The following GFM1 variants were observed in gnomAD, a reference collection of about 807,000 sequenced individuals.
GFM1 encodes G elongation factor mitochondrial 1.
In GFM1, 62 loss-of-function variants were observed where a neutral mutation model predicts 96.2. That is an observed-to-expected ratio of 0.64 (90% confidence interval 0.53 to 0.80). GFM1 has a LOEUF of 0.80. Ranked by LOEUF, GFM1 falls within the 30% of genes least tolerant of loss-of-function variation. The pLI is 0.00. For synonymous variants in GFM1, 282 were observed against 312.9 expected (o/e 0.90, Z 1.04); for missense variants, 852 against 916.6 (o/e 0.93, Z 0.91).
At chr3:158,681,084 T>A (rs1487400406) in intron 13 of GFM1, among the ~76,000 whole-genome samples, 3 of 152,216 alleles carry the variant, frequency 2.0e-5, no homozygotes, top group African/African-American at 4.8e-5. Context: ...GAAATTTGCC[T>A]GTTGTAAGCT....
chr3:158,648,071 A>T (rs758205553), intron 4 of GFM1, among the ~76,000 whole-genome samples: 1 of 151,528 alleles, frequency 6.6e-6, no homozygotes, highest in African/African-American at 2.4e-5. Flanking sequence ...TTGCCTGAAA[A>T]CTTTTTTTTT....
Position 158,691,345 on chromosome 3 carries a change from G to C in GFM1, c.2134G>C (p.Glu712Gln). The C allele has an allele frequency of 6.2e-7, 1 of 1,613,698 alleles. No individual in the cohort carries two copies. The highest frequency in any genetic ancestry group is 8.5e-7 in the Non-Finnish European group (1 of 1,179,842). ...ELRSCTEGKG[E>Q]YTMEYSRYQP... is the part of the protein sequence containing the mutation. ...TTTTTTAAATCCCTAGGGAAAGGGA[G>C]AATACACAATGGAGTATAGCAGGTA... Residue 712 changes from glutamate to glutamine, a missense_variant, in exon 18 of 18, where the codon GAA (glutamate) becomes CAA (glutamine). Physicochemically the swap from Glu to Gln is conservative, Grantham distance 29. Coordinates refer to ENST00000486715, the MANE Select transcript of GFM1 (RefSeq NM_024996.7).
At chr3:158,665,081 A>G (rs964678357) in intron 11 of GFM1, among the ~76,000 whole-genome samples, 1 of 152,160 alleles carries the variant, frequency 6.6e-6, no homozygotes, top group South Asian at 2.1e-4. Context: ...CAGGGCATAG[A>G]GTTAAGTCTT....
chr3:158,664,890 A>G (rs750931167), intron 11 of GFM1, among the ~76,000 whole-genome samples: 6 of 152,218 alleles, frequency 3.9e-5, no homozygotes, highest in Non-Finnish European at 5.9e-5. Flanking sequence ...GAAAGGGACA[A>G]GTCTCATCGT....
At chr3:158,663,647 A>G (rs1723370753) in intron 11 of GFM1, among the ~76,000 whole-genome samples, 1 of 152,232 alleles carries the variant, frequency 6.6e-6, no homozygotes, top group South Asian at 2.1e-4. Context: ...TATTCCAAGT[A>G]CATTGTTAAA....
intron 13 of GFM1, 26 bp from the exon 14 acceptor site, chr3:158,681,968 AT>A (rs11436468): frequency 3.6e-4 from 517 of 1,453,072 alleles, no homozygotes; most frequent in East Asian, 5.9e-4. Flanking sequence ...ATAATGCTCC[AT>A]TTTTTTTTTC....
intron 13 of GFM1, among the ~76,000 whole-genome samples, chr3:158,668,002 T>A (rs181762647): frequency 7.9e-5 from 12 of 152,260 alleles, no homozygotes; most frequent in African/African-American, 2.6e-4. Flanking sequence ...AAAAGCTAAA[T>A]GTTGGATTAT....
rs201304690 is a variant in GFM1, at chr3:158,646,151, G to A, written c.235-14G>A. ...AGGGACAGAGAAAGTCTGAATTGCT[G>A]TGCTTGTGTTTAGGTGAAAGGTAAA... On this transcript the variant is annotated splice_polypyrimidine_tract_variant and intron_variant, in intron 2 of 17. Transcript: ENST00000486715. 798 of 1,614,104 alleles carry A rather than the reference G, an allele frequency of 4.9e-4. 10 individuals are homozygous for A. The highest frequency in any genetic ancestry group is 1.6e-4 in the Middle Eastern group (1 of 6,062).
chr3:158,646,238 A>G lies in GFM1; in HGVS notation c.308A>G (p.Gln103Arg), dbSNP rs777663037. 18 of 1,613,924 alleles carry G rather than the reference A, an allele frequency of 1.1e-5. No individual in the cohort carries two copies. Among genetic ancestry groups the G allele is most frequent in the East Asian group, 6.7e-5 (3 of 44,884 alleles). ...GAGAGACAAAGAGGAATCACTATTCAGTCAGCAGCCACTTACACCATGTGG... is the reference window on the plus strand; with the variant it reads ...GAGAGACAAAGAGGAATCACTATTCGGTCAGCAGCCACTTACACCATGTGG... ...ELERQRGITI[Q>R]SAATYTMWKD... Residue 103 changes from glutamine to arginine, a missense_variant, in exon 3 of 18, where the codon CAG becomes CGG. Gln to Arg is a conservative substitution (Grantham distance 43). Coordinates refer to ENST00000486715, the MANE Select transcript of GFM1 (RefSeq NM_024996.7).
At chr3:158,653,267 G>A in intron 6 of GFM1, 43 bp from the exon 7 acceptor site, 1 of 1,518,812 alleles carries the variant, frequency 6.6e-7, no homozygotes, top group Non-Finnish European at 9.1e-7. Context: ...AGCACAACAT[G>A]TAATTTTAAC....
chr3:158,659,748 G>A (rs1723044021), intron 9 of GFM1, among the ~76,000 whole-genome samples: 1 of 152,138 alleles, frequency 6.6e-6, no homozygotes, highest in South Asian at 2.1e-4. Flanking sequence ...ATATATTCCT[G>A]GAGAAATTTA....
chr3:158,672,468 G>C, intron 13 of GFM1: 1 of 1,613,950 alleles, frequency 6.2e-7, no homozygotes, highest in Non-Finnish European at 8.5e-7. Flanking sequence ...GTTGGTCGGC[G>C]GGATTTCCAT....
intron 8 of GFM1, among the ~76,000 whole-genome samples, chr3:158,658,492 C>T (rs533326155): frequency 1.3e-5 from 2 of 152,236 alleles, no homozygotes; most frequent in East Asian, 3.9e-4. Context: ...TAATTTTCCA[C>T]GTGATTGTCA....
chr3:158,675,010 C>T (rs1433553677), intron 13 of GFM1, among the ~76,000 whole-genome samples: 2 of 152,204 alleles, frequency 1.3e-5, no homozygotes, highest in East Asian at 3.9e-4. Context: ...AGTTTACGGC[C>T]GGGAGCAGTG....
intron 13 of GFM1, among the ~76,000 whole-genome samples, chr3:158,681,676 G>A (rs1312645401): frequency 5.3e-5 from 8 of 152,126 alleles, no homozygotes. Context: ...CAGGGAAATG[G>A]GCAAGGTTTT....
At position 158,688,938 on chromosome 3, in the gene GFM1, A is replaced by G. The variant is rs1431847867; in HGVS notation, c.1910-1225A>G. ...TGTCTCTAGAAGAAGCACTGAGTAAATATATAAGAAAAATTGTTAGTTTTG... is the reference window on the plus strand; with the variant it reads ...TGTCTCTAGAAGAAGCACTGAGTAAGTATATAAGAAAAATTGTTAGTTTTG... On this transcript the variant is annotated intron_variant, in intron 15 of 17. Transcript: ENST00000486715. Among the ~76,000 whole-genome samples the G allele has an allele frequency of 4.6e-5, 7 of 152,358 alleles. No homozygotes were observed. In the South Asian group the frequency reaches 1.0e-3, roughly 23 times the overall value.
intron 13 of GFM1, among the ~76,000 whole-genome samples, chr3:158,674,471 A>G (rs1238803572): frequency 3.9e-5 from 6 of 152,120 alleles, no homozygotes; most frequent in African/African-American, 1.4e-4. Context: ...ACGAACTTAC[A>G]CTGTCTCCTG....
At chr3:158,680,153 T>C (rs1725244758) in intron 13 of GFM1, among the ~76,000 whole-genome samples, 1 of 152,194 alleles carries the variant, frequency 6.6e-6, no homozygotes, top group Non-Finnish European at 1.5e-5. Flanking sequence ...TTTTTCTTTT[T>C]CAATTAAAAA....
Position 158,646,080 on chromosome 3 carries a change from G to C in GFM1, c.235-85G>C, listed in dbSNP as rs181367389. 970 of 1,535,744 alleles carry C rather than the reference G, an allele frequency of 6.3e-4. 17 individuals carry two copies. The East Asian group carries it at 0.02, about 32-fold the overall frequency. ...TTATAGGCATGAGCCACTGCACCTGGCAACTGTTTCCATTTCAGTTAAGAT... is the reference window on the plus strand; with the variant it reads ...TTATAGGCATGAGCCACTGCACCTGCCAACTGTTTCCATTTCAGTTAAGAT... On this transcript the variant is annotated intron_variant, in intron 2 of 17. Coordinates refer to ENST00000486715, the MANE Select transcript of GFM1 (RefSeq NM_024996.7).
Sources: gnomAD v4.1 joint callset for allele counts (sites outside exome capture counted in the v4.1 genomes callset) on GRCh38, gnomAD v4.1.1 for gene constraint, MANE v1.5 for transcripts, NCBI Gene and HGNC (gene_info 2026-07-23, HGNC 2026-07-21) for gene names.